KCNQ4: variants seen among roughly 807,000 people sequenced by gnomAD.
KCNQ4 encodes potassium voltage-gated channel subfamily Q member 4, also known as potassium voltage-gated channel subfamily KQT member 4.
In KCNQ4, 31 loss-of-function variants were observed where a neutral mutation model predicts 72.6. That is an observed-to-expected ratio of 0.43 (90% CI 0.32 to 0.58). The LOEUF (loss-of-function observed/expected upper bound fraction) is 0.58, where lower values mean the gene tolerates loss of function less well. Ranked by LOEUF, KCNQ4 falls within the 20% of genes least tolerant of loss-of-function variation. KCNQ4 has a pLI of 0.08. For missense variants in KCNQ4, 869 were observed against 962.6 expected (o/e 0.90, Z 1.29); for synonymous variants, 405 against 403.7 (o/e 1.00, Z -0.04).
intron 1 of KCNQ4, among the ~76,000 whole-genome samples, chr1:40,787,944 C>T (rs943981447): frequency 6.6e-6 from 1 of 152,150 alleles, no homozygotes; most frequent in South Asian, 2.1e-4. Flanking sequence ...GCAGGCCTGC[C>T]GCTCCCAGCC....
chr1:40,803,266 A>G (rs1006659582), intron 1 of KCNQ4, among the ~76,000 whole-genome samples: 4 of 152,134 alleles, frequency 2.6e-5, no homozygotes, highest in African/African-American at 9.7e-5. Flanking sequence ...TCCCAGATGG[A>G]TCAGCAAAAA....
At chr1:40,829,588 A>G (rs999781460) in intron 9 of KCNQ4, among the ~76,000 whole-genome samples, 5 of 151,972 alleles carry the variant, frequency 3.3e-5, no homozygotes, top group Admixed American at 6.6e-5. Flanking sequence ...TGCCCTGGGC[A>G]TGGGAGACCC....
In KCNQ4 at chr1:40,818,606, C is replaced by T; in HGVS notation, c.634C>T (p.Leu212=). 1 of 1,607,012 alleles carries T rather than the reference C, an allele frequency of 6.2e-7. No individual in the cohort carries two copies. The highest frequency in any genetic ancestry group is 8.5e-7 in the Non-Finnish European group (1 of 1,179,740). The part of the protein sequence containing the change: ...ALRSMRFLQI[L]RMVRMDRRGG... ...GCGCAGCATGCGCTTCCTGCAGATC[C>T]TGCGCATGGTGCGCATGGACCGCCG... Residue 212 remains leucine, a synonymous_variant, in exon 4 of 14, where the codon CTG becomes TTG. Coordinates refer to ENST00000347132, the MANE Select transcript of KCNQ4 (RefSeq NM_004700.4).
intron 12 of KCNQ4, among the ~76,000 whole-genome samples, chr1:40,837,234 T>C (rs1648829863): frequency 6.6e-6 from 1 of 152,082 alleles, no homozygotes; most frequent in African/African-American, 2.4e-5. Flanking sequence ...ACCACAGGCA[T>C]GAGCTACCAT....
intron 11 of KCNQ4, among the ~76,000 whole-genome samples, chr1:40,833,683 C>T (rs1570851589): frequency 6.6e-6 from 1 of 151,980 alleles, no homozygotes; most frequent in East Asian, 2.0e-4. Flanking sequence ...CCACAAGCCT[C>T]TTTTCTTGTA....
intron 1 of KCNQ4, among the ~76,000 whole-genome samples, chr1:40,816,024 C>T (rs890722385): frequency 1.4e-5 from 2 of 146,764 alleles, no homozygotes; most frequent in African/African-American, 5.1e-5. Flanking sequence ...TAGTGGGGTG[C>T]GGGAATCAGA....
intron 1 of KCNQ4, among the ~76,000 whole-genome samples, chr1:40,797,464 A>G (rs1647448803): frequency 2.0e-5 from 3 of 152,174 alleles, no homozygotes; most frequent in Admixed American, 2.0e-4. Context: ...GGCAAGAGGT[A>G]TCTGGAGAAG....
rs55964611 is a variant in KCNQ4, at chr1:40,835,018, G to A, written c.1665G>A (p.Pro555=). The part of the protein sequence containing the change: ...AKRKFKETLR[P]YDVKDVIEQY... The stretch of plus-strand genomic sequence containing the variant: ...GGAAATTCAAGGAGACACTGCGACC[G>A]TACGACGTGAAGGACGTCATTGAGC... The change falls in exon 12 of 14, where the codon CCG becomes CCA. Residue 555 remains proline (P), a synonymous_variant. Transcript: ENST00000347132. 59,087 of 1,613,944 alleles carry A rather than the reference G, an allele frequency of 0.037. 1,233 individuals are homozygous for A. Among genetic ancestry groups the A allele is most frequent in the Non-Finnish European group, 0.042 (49,898 of 1,179,850 alleles).
At chr1:40,819,607 C>G (rs754766459) in intron 5 of KCNQ4, 135 bp downstream of exon 5, 34 of 1,229,440 alleles carry the variant, frequency 2.8e-5, no homozygotes, top group Non-Finnish European at 3.7e-5. Context: ...CTGGGACCCC[C>G]CTGAGACCAG....
At chr1:40,821,554 A>G (rs1467870844) in intron 7 of KCNQ4, among the ~76,000 whole-genome samples, 1 of 152,150 alleles carries the variant, frequency 6.6e-6, no homozygotes, top group Non-Finnish European at 1.5e-5. Context: ...CGGCAAGCCC[A>G]TGGATGCTGA....
At chr1:40,829,222 G>T (rs1198463961) in intron 9 of KCNQ4, among the ~76,000 whole-genome samples, 2 of 152,258 alleles carry the variant, frequency 1.3e-5, no homozygotes. Flanking sequence ...GAGGACAGGA[G>T]AAGGGGTTGC....
Position 40,784,915 on chromosome 1 carries a change from G to A in KCNQ4, c.314+508G>A, listed in dbSNP as rs994656532. 6.6e-6 allele frequency among the ~76,000 whole-genome samples: 1 copy of A among 152,202 alleles called. No homozygotes were observed. The highest frequency in any genetic ancestry group is 2.4e-5 in the African/African-American group (1 of 41,456). ...CGGCCCTCATTCCTACCCCTGCCCA[G>A]CTGACTGTGGGTGTGTGGGGGTCCC... On this transcript the variant is annotated intron_variant, in intron 1 of 13. Transcript: ENST00000347132. The surrounding 1 kb of genome is among the most constrained non-coding windows in gnomAD (Gnocchi z 4.1).
At chr1:40,814,496 G>A (rs1648024110) in intron 1 of KCNQ4, among the ~76,000 whole-genome samples, 1 of 152,124 alleles carries the variant, frequency 6.6e-6, no homozygotes, top group Admixed American at 6.5e-5. Context: ...TTGAGCCCAG[G>A]AGTTTGAGAC....
Position 40,794,678 on chromosome 1 carries a change from A to T in KCNQ4, c.314+10271A>T, listed in dbSNP as rs1168229588. ...TCCACTTAAAGGACTGTCTTTTAGT[A>T]TGAGATGATGTCCTTTCTTTTATGA... On this transcript the variant is annotated intron_variant, in intron 1 of 13. Transcript: ENST00000347132. The surrounding 1 kb of genome is among the most constrained non-coding windows in gnomAD (Gnocchi z 4.2). 1.3e-5 allele frequency among the ~76,000 whole-genome samples: 2 copies of T among 152,212 alleles called. No homozygotes were observed. Among genetic ancestry groups the T allele is most frequent in the Non-Finnish European group, 2.9e-5 (2 of 68,042 alleles).
intron 1 of KCNQ4, among the ~76,000 whole-genome samples, chr1:40,802,384 C>A (rs558294646): frequency 6.6e-6 from 1 of 152,268 alleles, no homozygotes; most frequent in South Asian, 2.1e-4. Flanking sequence ...AATTTGGAAA[C>A]GGAAAAAGTA....
intron 7 of KCNQ4, among the ~76,000 whole-genome samples, chr1:40,821,918 A>G (rs1215025431): frequency 2.6e-5 from 4 of 152,204 alleles, no homozygotes; most frequent in African/African-American, 9.7e-5. Flanking sequence ...CTGTTCATTT[A>G]ATCCTCACAA....
chr1:40,802,032 G>A (rs1238403823), intron 1 of KCNQ4, among the ~76,000 whole-genome samples: 34 of 152,006 alleles, frequency 2.2e-4, no homozygotes, highest in Admixed American at 2.2e-3. Flanking sequence ...AAGGGGGCTT[G>A]GGACTCAATA....
chr1:40,791,734 C>T (rs540878549), intron 1 of KCNQ4, among the ~76,000 whole-genome samples: 33 of 152,300 alleles, frequency 2.2e-4, no homozygotes, highest in African/African-American at 7.2e-4. Context: ...TCTCCTGAGA[C>T]TCCTTGGACA....
chr1:40,834,910 C>G, intron 11 of KCNQ4, 57 bp from the exon 12 acceptor site: 1 of 1,603,960 alleles, frequency 6.2e-7, no homozygotes, highest in African/African-American at 1.3e-5. Flanking sequence ...GGAGAGGGTG[C>G]TGGGAAAGAA....
Sources: allele counts gnomAD v4.1 joint callset (sites outside exome capture counted in the v4.1 genomes callset), GRCh38; gene constraint gnomAD v4.1.1; non-coding constraint Gnocchi (gnomAD v3.1); transcripts MANE v1.5; gene names NCBI Gene and HGNC (gene_info 2026-07-23, HGNC 2026-07-21).